Variants in DBF4 observed in about 807,000 individuals in gnomAD.
DBF4 encodes DBF4-CDC7 kinase regulatory subunit.
Under a neutral mutation model 76.6 loss-of-function variants are expected in DBF4, and 25 were observed. That is an observed-to-expected ratio of 0.33 (90% CI 0.24 to 0.46). The LOEUF (loss-of-function observed/expected upper bound fraction) is 0.46. DBF4 is among the 20% of genes least tolerant of loss of function. The probability of loss-of-function intolerance (pLI) is 1.00; values close to 1 mark genes in which losing one functional copy is unlikely to be tolerated. For synonymous variants in DBF4, 213 were observed against 258.0 expected (o/e 0.83, Z 1.67); for missense variants, 638 against 760.8 (o/e 0.84, Z 1.90).
rs779604787 is a variant in DBF4, at chr7:87,907,780, A to G, written c.1642A>G (p.Lys548Glu). 1 of 1,614,076 alleles carries G rather than the reference A, an allele frequency of 6.2e-7. No homozygotes were observed. ...SSQEHLTVQA[K>E]APFHTPPEEP... is the part of the protein sequence containing the mutation. ...ACAAGAGCACCTAACTGTTCAGGCA[A>G]AGGCTCCATTCCATACTCCTCCTGA... The change falls in exon 12 of 12, where the codon AAG becomes GAG. Residue 548 changes from lysine (K) to glutamate (E), a missense_variant. Transcript: ENST00000265728.
At chr7:87,886,712 C>A in intron 3 of DBF4, 132 bp from the exon 4 acceptor site, 1 of 620,204 alleles carries the variant, frequency 1.6e-6, no homozygotes, top group South Asian at 1.9e-5. Context: ...TACTACAAAA[C>A]CAAAGAGGTC....
At chr7:87,887,516 A>G (rs1839387980) in intron 5 of DBF4, 118 bp downstream of exon 5, 3 of 1,168,788 alleles carry the variant, frequency 2.6e-6, no homozygotes, top group Non-Finnish European at 3.5e-6. Context: ...TCTGTTTCCT[A>G]TTGCTTATAA....
rs375707668 is a variant in DBF4, at chr7:87,907,296, G to A, written c.1158G>A (p.Gln386=). The A allele has an allele frequency of 6.2e-6, 10 of 1,613,820 alleles. No individual in the cohort carries two copies. In the African/African-American group the frequency reaches 1.2e-4, roughly 19 times the overall value. The part of the protein sequence containing the change: ...ELQHISQKDC[Q]EDDTTVKEQN... ...AACATATTTCTCAGAAAGATTGCCAGGAAGATGATACAACAGTGAAGGAGC... is the reference window on the plus strand; with the variant it reads ...AACATATTTCTCAGAAAGATTGCCAAGAAGATGATACAACAGTGAAGGAGC... The change falls in exon 12 of 12, where the codon CAG becomes CAA. Residue 386 remains glutamine, a synonymous_variant. Transcript: ENST00000265728.
chr7:87,877,983 G>C, intron 1 of DBF4, 70 bp from the exon 2 acceptor site: 1 of 1,179,690 alleles, frequency 8.5e-7, no homozygotes, highest in South Asian at 1.6e-5. Flanking sequence ...CTGTAATATT[G>C]TATAATGAAA....
At chr7:87,896,071 T>C (rs1839631393) in intron 6 of DBF4, 1 of 173,862 alleles carries the variant, frequency 5.8e-6, no homozygotes, top group Non-Finnish European at 1.2e-5. Flanking sequence ...GAGTTTCTAG[T>C]TGTAATCAGT....
chr7:87,890,656 A>T (rs980380473), intron 6 of DBF4, among the ~76,000 whole-genome samples: 5 of 152,192 alleles, frequency 3.3e-5, no homozygotes, highest in Non-Finnish European at 7.4e-5. Flanking sequence ...TTTGAAAGAT[A>T]CTTAATTGGT....
chr7:87,880,820 A>G (rs1353788953), intron 2 of DBF4, among the ~76,000 whole-genome samples: 1 of 152,166 alleles, frequency 6.6e-6, no homozygotes, highest in Non-Finnish European at 1.5e-5. Flanking sequence ...TTACAGAACC[A>G]TCTAAGGAGG....
chr7:87,895,172 T>C (rs1454032781), intron 6 of DBF4, among the ~76,000 whole-genome samples: 4 of 152,232 alleles, frequency 2.6e-5, no homozygotes, highest in Non-Finnish European at 5.9e-5. Context: ...ATCCAGTGAA[T>C]TTTGTTATCT....
At chr7:87,893,601 G>A (rs1490867335) in intron 6 of DBF4, among the ~76,000 whole-genome samples, 1 of 152,162 alleles carries the variant, frequency 6.6e-6, no homozygotes, top group African/African-American at 2.4e-5. Flanking sequence ...TCTCTCTTCT[G>A]TCCCTGTTAA....
intron 8 of DBF4, among the ~76,000 whole-genome samples, chr7:87,898,177 T>A (rs1292191087): frequency 6.6e-6 from 1 of 152,212 alleles, no homozygotes; most frequent in Non-Finnish European, 1.5e-5. Context: ...TTTAGACATC[T>A]GTGGTTAATT....
chr7:87,878,039 A>C lies in DBF4; in HGVS notation c.47-14A>C. The C allele has an allele frequency of 2.6e-6, 4 of 1,566,036 alleles. No individual in the cohort carries two copies. Among genetic ancestry groups the C allele is most frequent in the Non-Finnish European group, 3.5e-6 (4 of 1,157,512 alleles). On this transcript the variant is annotated splice_polypyrimidine_tract_variant and intron_variant, in intron 1 of 11. Coordinates refer to ENST00000265728, the MANE Select transcript of DBF4 (RefSeq NM_006716.4). ...TGTCTGTGTAAAACATCTGATTCTA[A>C]ACATCTTTAATAGGTGGAATCCAAG... is the stretch of plus-strand genomic sequence containing the variant.
chr7:87,890,448 C>G (rs1054653715), intron 6 of DBF4, among the ~76,000 whole-genome samples: 2 of 152,168 alleles, frequency 1.3e-5, no homozygotes. Context: ...AAGAGAATCA[C>G]TTGAAGCTGG....
At position 87,908,085 on chromosome 7, in the gene DBF4, T is replaced by G. The variant is rs370611628; in HGVS notation, c.1947T>G (p.Ile649Met). The change falls in exon 12 of 12, where the codon ATT (isoleucine) becomes ATG (methionine). Residue 649 changes from isoleucine to methionine, a missense_variant. Coordinates refer to ENST00000265728, the MANE Select transcript of DBF4 (RefSeq NM_006716.4). ...EKSGICNVLDIWEEENSDNLL... is the reference protein window; with the variant it reads ...EKSGICNVLDMWEEENSDNLL... ...GTGGTATATGCAATGTTTTAGATATTTGGGAAGAGGAAAATTCAGATAATC... is the reference window on the plus strand; with the variant it reads ...GTGGTATATGCAATGTTTTAGATATGTGGGAAGAGGAAAATTCAGATAATC... 6.2e-6 allele frequency: 10 copies of G among 1,611,062 alleles called. No homozygotes were observed. The highest frequency in any genetic ancestry group is 8.5e-6 in the Non-Finnish European group (10 of 1,179,102).
chr7:87,894,177 T>G (rs1265380233), intron 6 of DBF4, among the ~76,000 whole-genome samples: 1 of 152,224 alleles, frequency 6.6e-6, no homozygotes, highest in Non-Finnish European at 1.5e-5. Flanking sequence ...ATTTTAGGGC[T>G]GGGCCTGGTG....
rs897581128 is a variant in DBF4, at chr7:87,884,394, C to T, written c.220-585C>T. Among the ~76,000 whole-genome samples, 4 of 152,172 alleles carry T rather than the reference C, an allele frequency of 2.6e-5. No individual in the cohort carries two copies. The South Asian group carries it at 6.2e-4, about 24-fold the overall frequency. On this transcript the variant is annotated intron_variant, in intron 2 of 11. Coordinates refer to ENST00000265728, the MANE Select transcript of DBF4 (RefSeq NM_006716.4). ...CAAAAAATTCAGTGGCTTAATCACA[C>T]TACCAAGGCCATTTCAAATGCTTTG...
intron 8 of DBF4, among the ~76,000 whole-genome samples, chr7:87,899,544 A>G (rs2131069641): frequency 6.6e-6 from 1 of 152,350 alleles, no homozygotes; most frequent in East Asian, 1.9e-4. Flanking sequence ...TTGCAAATCT[A>G]AACCACAGTG....
intron 6 of DBF4, among the ~76,000 whole-genome samples, chr7:87,893,877 TTC>T: frequency 6.6e-6 from 1 of 151,828 alleles, no homozygotes; most frequent in Non-Finnish European, 1.5e-5. Flanking sequence ...TGTATTTTAT[TTC>T]TGTTTCCCCC....
intron 1 of DBF4, among the ~76,000 whole-genome samples, chr7:87,877,828 T>A (rs1052422725): frequency 1.3e-5 from 2 of 152,234 alleles, no homozygotes; most frequent in African/African-American, 4.8e-5. Context: ...AACACACGAA[T>A]ATTTCTTGCT....
chr7:87,877,252 A>C (rs1839086744), intron 1 of DBF4, among the ~76,000 whole-genome samples: 1 of 152,156 alleles, frequency 6.6e-6, no homozygotes, highest in Non-Finnish European at 1.5e-5. Flanking sequence ...CTTTCCTCAT[A>C]AGTTGGGGGA....
Sources: allele counts gnomAD v4.1 joint callset (sites outside exome capture counted in the v4.1 genomes callset), GRCh38; gene constraint gnomAD v4.1.1; transcripts MANE v1.5; gene names NCBI Gene and HGNC (gene_info 2026-07-23, HGNC 2026-07-21).